The following ELP4 variants were observed in gnomAD, a reference collection of about 807,000 sequenced individuals.
The protein encoded by ELP4 is elongator acetyltransferase complex subunit 4.
Under a neutral mutation model 48.9 loss-of-function variants are expected in ELP4, and 51 were observed. The observed-to-expected ratio is 1.04, with a 90% CI of 0.83 to 1.32. The LOEUF (loss-of-function observed/expected upper bound fraction) is 1.32. Ranked by LOEUF, ELP4 falls within the 40% of genes most tolerant of loss-of-function variation. The pLI is 0.00. For missense variants in ELP4, 519 were observed against 514.6 expected, an observed-to-expected ratio of 1.01 and a Z score of -0.08; for synonymous variants, 210 against 189.2, an observed-to-expected ratio of 1.11 and a Z score of -0.90.
At chr11:31,519,551 T>A (rs1399049303) in intron 1 of ELP4, among the ~76,000 whole-genome samples, 1 of 152,120 alleles carries the variant, frequency 6.6e-6, no homozygotes, top group Non-Finnish European at 1.5e-5. Flanking sequence ...GCCTGGTGGC[T>A]CACTGGCTCA....
At chr11:31,568,136 A>C (rs569647187) in intron 3 of ELP4, among the ~76,000 whole-genome samples, 21 of 152,334 alleles carry the variant, frequency 1.4e-4, no homozygotes, top group Non-Finnish European at 2.4e-4. Flanking sequence ...ATGTATAAAA[A>C]TCAGTAGCAT....
At chr11:31,623,390 T>TATATATATATATATA (rs67986763) in intron 5 of ELP4, among the ~76,000 whole-genome samples, 9 of 92,570 alleles carry the variant, frequency 9.7e-5, no homozygotes, top group East Asian at 6.4e-4. Context: ...TATATATATA[T>TATATATATATATATA]AAAACTAGAA....
chr11:31,543,581 C>A (rs752676253), intron 3 of ELP4, among the ~76,000 whole-genome samples: 7 of 152,000 alleles, frequency 4.6e-5, no homozygotes, highest in Non-Finnish European at 4.4e-5. Flanking sequence ...GGCCTCCCAA[C>A]GTGCTGGGCA....
At chr11:31,551,619 C>T (rs577720267) in intron 3 of ELP4, among the ~76,000 whole-genome samples, 12 of 151,874 alleles carry the variant, frequency 7.9e-5, no homozygotes, top group Non-Finnish European at 1.5e-4. Flanking sequence ...ACACTTTTAC[C>T]GTGAACTTTT....
At position 31,577,651 on chromosome 11, in the gene ELP4, A is replaced by T. The variant is rs536879002; in HGVS notation, c.382-17119A>T. On this transcript the variant is annotated intron_variant, in intron 3 of 9. Transcript: ENST00000640961. ...AAGGGTGGTTCAACATACGCGAATC[A>T]ATAAATGTAATCCATCGTATAAACA... Among the ~76,000 whole-genome samples the T allele has an allele frequency of 2.6e-5, 4 of 152,300 alleles. No individual in the cohort carries two copies. The South Asian group carries it at 8.3e-4, about 32-fold the overall frequency.
intron 5 of ELP4, among the ~76,000 whole-genome samples, chr11:31,607,944 T>A (rs1957904666): frequency 6.6e-6 from 1 of 152,152 alleles, no homozygotes; most frequent in Admixed American, 6.5e-5. Flanking sequence ...GACCTCCTTT[T>A]TTTTGCAGTA....
In ELP4 at chr11:31,732,716, A is replaced by G. The variant is rs188905680; in HGVS notation, c.1144-50677A>G. On this transcript the variant is annotated intron_variant, in intron 9 of 9. Transcript: ENST00000640961. ...CATCAGCTGAAAGAAGAGGGATGGA[A>G]AAAGATACTTCATGCAAATGGAAAC... Among the ~76,000 whole-genome samples, 389 of 152,358 alleles carry G rather than the reference A, an allele frequency of 2.6e-3. 1 individual carries two copies. The highest frequency in any genetic ancestry group is 8.8e-3 in the African/African-American group (366 of 41,586).
At chr11:31,510,269 A>G (rs1955963103) in intron 1 of ELP4, 2 of 558,512 alleles carry the variant, frequency 3.6e-6, no homozygotes, top group South Asian at 2.5e-5. Flanking sequence ...AGGAATTCGT[A>G]CATGCTTTTT....
chr11:31,758,752 C>T (rs1947882959), intron 9 of ELP4, among the ~76,000 whole-genome samples: 2 of 151,678 alleles, frequency 1.3e-5, no homozygotes, highest in Admixed American at 1.3e-4. Flanking sequence ...CAGCAAACTC[C>T]ACCTTCCAGG....
intron 7 of ELP4, among the ~76,000 whole-genome samples, chr11:31,637,574 A>C (rs1945007687): frequency 6.6e-6 from 1 of 152,004 alleles, no homozygotes; most frequent in Admixed American, 6.6e-5. Flanking sequence ...TGTTAGAAAC[A>C]GAAATGTTTT....
At chr11:31,602,831 G>A (rs530383429) in intron 4 of ELP4, among the ~76,000 whole-genome samples, 8 of 151,832 alleles carry the variant, frequency 5.3e-5, no homozygotes, top group Non-Finnish European at 8.8e-5. Context: ...TCAAGACAGT[G>A]GAAATTATGT....
chr11:31,632,702 T>C, intron 7 of ELP4: 1 of 230,248 alleles, frequency 4.3e-6, no homozygotes, highest in Non-Finnish European at 8.3e-6. Flanking sequence ...GTTTTCAATA[T>C]TGATGAAGTT....
intron 3 of ELP4, among the ~76,000 whole-genome samples, chr11:31,543,083 A>T (rs1956619056): frequency 6.6e-6 from 1 of 152,308 alleles, no homozygotes; most frequent in Admixed American, 6.5e-5. Context: ...GGCATTTAAA[A>T]TTATACAAGA....
chr11:31,623,101 C>A (rs1944655983), intron 5 of ELP4, among the ~76,000 whole-genome samples: 1 of 150,524 alleles, frequency 6.6e-6, no homozygotes. Context: ...AATGTGATCA[C>A]AGAATGATTA....
chr11:31,600,680 G>T (rs887500980), intron 4 of ELP4: 3 of 152,138 alleles, frequency 2.0e-5, no homozygotes, highest in African/African-American at 7.2e-5. Context: ...CAACAGCCTT[G>T]TAAAATAATT....
At chr11:31,778,099 G>C (rs961709637) in intron 9 of ELP4, among the ~76,000 whole-genome samples, 1 of 152,164 alleles carries the variant, frequency 6.6e-6, no homozygotes, top group African/African-American at 2.4e-5. Context: ...TTCATCTTCT[G>C]ACATTTCCTT....
chr11:31,601,485 T>C (rs1264012781), intron 4 of ELP4, among the ~76,000 whole-genome samples: 3 of 152,140 alleles, frequency 2.0e-5, no homozygotes, highest in Non-Finnish European at 2.9e-5. Context: ...TACATTTTAA[T>C]GAATTATTTG....
In ELP4 at chr11:31,543,767, CAAG is replaced by C. The variant is rs1956636511; in HGVS notation, c.381+3985_381+3987del. Among the ~76,000 whole-genome samples the C allele has an allele frequency of 3.9e-5, 6 of 152,174 alleles. No individual in the cohort carries two copies. The South Asian group carries it at 1.2e-3, about 32-fold the overall frequency. On this transcript the variant is annotated intron_variant, in intron 3 of 9. Transcript: ENST00000640961. ...CTTTTAGGCAATACAAACCAGAAAA[CAAG>C]GAGGAAGTCTTTAAAATGCTAAAAG...
chr11:31,527,832 G>A (rs1956322865), intron 2 of ELP4, among the ~76,000 whole-genome samples: 2 of 152,000 alleles, frequency 1.3e-5, no homozygotes, highest in South Asian at 2.1e-4. Context: ...TAAGATCTAA[G>A]CTCCTTAACT....
Sources: allele counts gnomAD v4.1 joint callset (sites outside exome capture counted in the v4.1 genomes callset), GRCh38; gene constraint gnomAD v4.1.1; transcripts MANE v1.5; gene names NCBI Gene and HGNC (gene_info 2026-07-23, HGNC 2026-07-21).